The following TET2 variants were observed in gnomAD, a reference collection of about 807,000 sequenced individuals.
TET2 encodes the protein tet methylcytosine dioxygenase 2.
In TET2, 299 loss-of-function variants were observed where a neutral mutation model predicts 142.9. That is an observed-to-expected ratio of 2.09 (90% CI 1.90 to 2.30). TET2 has a LOEUF of 2.30. TET2 is among the 30% of genes most tolerant of loss of function. The pLI, the probability that TET2 is intolerant of heterozygous loss-of-function variation, is 0.00. For missense variants in TET2, 2,418 were observed against 2,378.0 expected (o/e 1.02, Z -0.35); for synonymous variants, 819 against 849.0 (o/e 0.96, Z 0.61).
intron 2 of TET2, among the ~76,000 whole-genome samples, chr4:105,204,266 C>CACACAT (rs1443852779): frequency 9.3e-5 from 13 of 140,094 alleles, no homozygotes; most frequent in Non-Finnish European, 1.6e-4. Context: ...CACACACACA[C>CACACAT]ACATACATAC....
intron 1 of TET2, among the ~76,000 whole-genome samples, chr4:105,155,100 A>C (rs774993687): frequency 2.0e-5 from 3 of 152,152 alleles, no homozygotes; most frequent in African/African-American, 7.2e-5. Flanking sequence ...AATAATAACA[A>C]ATTACTAGAT....
chr4:105,193,119 A>G (rs906107272), intron 2 of TET2, among the ~76,000 whole-genome samples: 3 of 152,172 alleles, frequency 2.0e-5, no homozygotes, highest in African/African-American at 7.2e-5. Context: ...TCTGGACTAT[A>G]ACAGAGGAGG....
rs1729435722 is a variant in TET2, at chr4:105,243,737, A to G, written c.3762A>G (p.Lys1254=). ...LYSELTETLR[K]YGTLTNRRCA... is the part of the protein sequence containing the mutation. ...CGGAGCTTACCGAGACGCTGAGGAA[A>G]TACGGCACGCTCACCAATCGCCGGT... Residue 1254 remains lysine, a synonymous_variant, in exon 6 of 11, where the codon AAA becomes AAG. Coordinates refer to ENST00000380013, the MANE Select transcript of TET2 (RefSeq NM_001127208.3). The G allele has an allele frequency of 1.9e-6, 3 of 1,551,482 alleles. No individual in the cohort carries two copies. Among genetic ancestry groups the G allele is most frequent in the African/African-American group, 2.7e-5 (2 of 73,110 alleles).
rs955397946 is a variant in TET2, at chr4:105,210,821, A to G, written c.-47+20316A>G. Among the ~76,000 whole-genome samples the G allele has an allele frequency of 7.2e-5, 11 of 152,132 alleles. No homozygotes were observed. The South Asian group carries it at 1.0e-3, about 14-fold the overall frequency. On this transcript the variant is annotated intron_variant, in intron 2 of 10. Transcript: ENST00000380013. ...GCTATTCTCTAGTTCAGGACATTCT[A>G]TCCTTTCTCTTGTATTACTGCGGTC...
At chr4:105,233,849 G>C (rs770955578) in intron 2 of TET2, 48 bp from the exon 3 acceptor site, 6 of 949,342 alleles carry the variant, frequency 6.3e-6, no homozygotes, top group Non-Finnish European at 9.3e-6. Flanking sequence ...TAGATAGATA[G>C]ATAGATAGAA....
intron 1 of TET2, among the ~76,000 whole-genome samples, chr4:105,157,095 A>C (rs952840794): frequency 6.6e-6 from 1 of 152,150 alleles, no homozygotes; most frequent in African/African-American, 2.4e-5. Flanking sequence ...TCTCCTATAT[A>C]CATTATAACA....
chr4:105,251,044 G>A (rs1241225208), intron 6 of TET2, among the ~76,000 whole-genome samples: 1 of 151,896 alleles, frequency 6.6e-6, no homozygotes, highest in Non-Finnish European at 1.5e-5. Flanking sequence ...CAAATTTTTT[G>A]TTGATAATAT....
intron 9 of TET2, 114 bp downstream of exon 9, chr4:105,269,861 T>C: frequency 7.8e-7 from 1 of 1,283,386 alleles, no homozygotes; most frequent in Non-Finnish European, 1.1e-6. Context: ...TGACTCACAG[T>C]TCCACATGGC....
intron 2 of TET2, among the ~76,000 whole-genome samples, chr4:105,232,003 G>A (rs1352362363): frequency 6.6e-6 from 1 of 152,134 alleles, no homozygotes; most frequent in Non-Finnish European, 1.5e-5. Flanking sequence ...GTACTTAATA[G>A]GTAGTTTTTT....
chr4:105,235,965 T>A lies in TET2; in HGVS notation c.2023T>A (p.Ser675Thr). The change falls in exon 3 of 11, where the codon TCA (serine) becomes ACA (threonine). Residue 675 changes from serine (S) to threonine (T), a missense_variant. Coordinates refer to ENST00000380013, the MANE Select transcript of TET2 (RefSeq NM_001127208.3). ...TDHLPKAHVQ[S>T]LCGTRFHFQQ... The stretch of plus-strand genomic sequence containing the variant: ...CCATTTACCAAAAGCTCATGTGCAG[T>A]CACTGTGTGGCACTAGATTTCATTT... 6.2e-7 allele frequency: 1 copy of A among 1,614,190 alleles called. No homozygotes were observed. Among genetic ancestry groups the A allele is most frequent in the Non-Finnish European group, 8.5e-7 (1 of 1,180,028 alleles).
chr4:105,194,678 A>G (rs904439049), intron 2 of TET2, among the ~76,000 whole-genome samples: 8 of 152,206 alleles, frequency 5.3e-5, no homozygotes, highest in Non-Finnish European at 1.2e-4. Flanking sequence ...AAAAGAAAAA[A>G]TAGACCTTAG....
chr4:105,167,772 A>G (rs759148865), intron 1 of TET2, among the ~76,000 whole-genome samples: 2 of 152,176 alleles, frequency 1.3e-5, no homozygotes, highest in African/African-American at 2.4e-5. Context: ...GGTTGTCTTC[A>G]TATCTTTTAC....
intron 1 of TET2, among the ~76,000 whole-genome samples, chr4:105,180,300 T>A (rs1457998651): frequency 6.6e-6 from 1 of 152,222 alleles, no homozygotes; most frequent in African/African-American, 2.4e-5. Flanking sequence ...GTGATAACAT[T>A]AAAATGGTGA....
chr4:105,244,584 A>ATCTTTTTTTTTTTTTTTTT lies in TET2; in HGVS notation c.3803+807_3803+808insCTTTTTTTTTTTTTTTTTT, dbSNP rs1237638072. Among the ~76,000 whole-genome samples the ATCTTTTTTTTTTTTTTTTT allele has an allele frequency of 1.3e-4, 15 of 116,748 alleles. 2 individuals carry two copies. The highest frequency in any genetic ancestry group is 1.7e-4 in the Non-Finnish European group (10 of 58,242). 76.6% of individuals were successfully genotyped at this position (116,748 alleles called of 152,430 possible). A position where few individuals can be genotyped will look rare whatever the true frequency, so the allele number is the denominator to read the frequency against. On this transcript the variant is annotated intron_variant, in intron 6 of 10. Transcript: ENST00000380013. ...TGAATGTTCACGGTGCTACACAGAA[A>ATCTTTTTTTTTTTTTTTTT]TGTTTTTTTTTTTTTTTTTTTTTTT... is the stretch of plus-strand genomic sequence containing the variant.
chr4:105,229,150 A>T (rs1219272982), intron 2 of TET2, among the ~76,000 whole-genome samples: 4 of 152,196 alleles, frequency 2.6e-5, no homozygotes, highest in African/African-American at 9.6e-5. Flanking sequence ...GTTTTCATAG[A>T]TACCACATCT....
intron 1 of TET2, among the ~76,000 whole-genome samples, chr4:105,189,103 C>G (rs1725632283): frequency 6.6e-6 from 1 of 151,902 alleles, no homozygotes; most frequent in African/African-American, 2.4e-5. Flanking sequence ...AGCAACGTGT[C>G]CCAGTCTCAG....
intron 2 of TET2, among the ~76,000 whole-genome samples, chr4:105,232,474 C>G (rs1198105066): frequency 6.6e-6 from 1 of 152,176 alleles, no homozygotes; most frequent in African/African-American, 2.4e-5. Flanking sequence ...TACATTCCCA[C>G]AAGCAATAAG....
chr4:105,246,762 G>T (rs1729601948), intron 6 of TET2, among the ~76,000 whole-genome samples: 1 of 152,192 alleles, frequency 6.6e-6, no homozygotes, highest in African/African-American at 2.4e-5. Flanking sequence ...TCAAAGCTGT[G>T]TGAACCTCAT....
At chr4:105,217,797 A>G (rs766139604) in intron 2 of TET2, among the ~76,000 whole-genome samples, 27 of 152,066 alleles carry the variant, frequency 1.8e-4, no homozygotes, top group African/African-American at 5.8e-4. Context: ...ATCTGTTTCA[A>G]TGGTGTTGGT....
Sources: allele counts gnomAD v4.1 joint callset (sites outside exome capture counted in the v4.1 genomes callset), GRCh38; gene constraint gnomAD v4.1.1; transcripts MANE v1.5; gene names NCBI Gene and HGNC (gene_info 2026-07-23, HGNC 2026-07-21).